TENM2: variants seen among roughly 807,000 people sequenced by gnomAD.
The protein encoded by TENM2 is teneurin-2.
Under a neutral mutation model 245.2 loss-of-function variants are expected in TENM2, and 52 were observed. That is an observed-to-expected ratio of 0.21 (90% confidence interval 0.17 to 0.27). The LOEUF is 0.27. TENM2 is among the 10% of genes least tolerant of loss of function. TENM2 has a pLI of 1.00. For synonymous variants in TENM2, 1,363 were observed against 1,438.9 expected (o/e 0.95, Z 1.19); for missense variants, 3,046 against 3,666.8 (o/e 0.83, Z 4.37).
At chr5:167,280,756 G>GTCTATCTATCTA (rs70976408), upstream of TENM2, among the ~76,000 whole-genome samples, 6 of 145,880 alleles carry the variant, frequency 4.1e-5, no homozygotes, top group Non-Finnish European at 6.0e-5. Context: ...CTATCTGTCT[G>GTCTATCTATCTA]TCTATCTATC....
intron 14 of TENM2, 77 bp downstream of exon 16, chr5:168,190,624 T>A: frequency 7.3e-7 from 1 of 1,365,734 alleles, no homozygotes; most frequent in South Asian, 1.3e-5. Context: ...GTTCTCCAGC[T>A]TTCCCGGGGA....
At chr5:168,242,784 C>G (rs1278382108) in intron 25 of TENM2, among the ~76,000 whole-genome samples, 1 of 152,044 alleles carries the variant, frequency 6.6e-6, no homozygotes, top group East Asian at 1.9e-4. Flanking sequence ...GAAACCTCGT[C>G]TCTACTAAAA....
At chr5:167,130,965 G>A in the TENM2 span, among the ~76,000 whole-genome samples, 1 of 137,234 alleles carries the variant, frequency 7.3e-6, no homozygotes, top group Non-Finnish European at 1.5e-5. Context: ...CCTGTGTGTT[G>A]GTTAGCTGCT....
At chr5:167,879,010 T>C (rs1032166367) in intron 3 of TENM2, among the ~76,000 whole-genome samples, 2 of 152,212 alleles carry the variant, frequency 1.3e-5, no homozygotes, top group Admixed American at 6.5e-5. Context: ...TCTCCTCTTA[T>C]AGTTGCTGTT....
At chr5:167,736,686 G>GGAA (rs764136823) in intron 2 of TENM2, among the ~76,000 whole-genome samples, 2 of 127,574 alleles carry the variant, frequency 1.6e-5, no homozygotes, top group African/African-American at 5.7e-5. Context: ...CCTGGCTCAG[G>GGAA]AAAAAAAAAA....
intron 2 of TENM2, among the ~76,000 whole-genome samples, chr5:167,859,441 C>T (rs1221371084): frequency 9.5e-5 from 13 of 137,272 alleles, no homozygotes; most frequent in Admixed American, 2.1e-4. Flanking sequence ...CGCCTCTGCC[C>T]GGCCGCCCCT....
intron 2 of TENM2, among the ~76,000 whole-genome samples, chr5:167,524,498 C>T (rs1008086837): frequency 1.5e-4 from 23 of 152,028 alleles, no homozygotes; most frequent in African/African-American, 4.1e-4. Flanking sequence ...TCTATGGCAG[C>T]GTTTCTCAAA....
At chr5:167,672,612 G>C (rs1756032191) in intron 2 of TENM2, among the ~76,000 whole-genome samples, 1 of 152,046 alleles carries the variant, frequency 6.6e-6, no homozygotes, top group African/African-American at 2.4e-5. Context: ...TCTGAAGAAG[G>C]TTTGGCATTG....
intron 9 of TENM2, among the ~76,000 whole-genome samples, chr5:168,101,114 A>G (rs1562158735): frequency 6.6e-6 from 1 of 152,050 alleles, no homozygotes; most frequent in Non-Finnish European, 1.5e-5. Flanking sequence ...TCTGAGGGTC[A>G]CTGATGGAGC....
chr5:167,677,723 A>G (rs1442525920), intron 2 of TENM2, among the ~76,000 whole-genome samples: 1 of 147,286 alleles, frequency 6.8e-6, no homozygotes, highest in East Asian at 1.9e-4. Flanking sequence ...TATGATAATT[A>G]TATGTTTATA....
chr5:167,482,929 C>G (rs1767844574), intron 2 of TENM2, among the ~76,000 whole-genome samples: 1 of 152,218 alleles, frequency 6.6e-6, no homozygotes, highest in Admixed American at 6.5e-5. Context: ...ATATCCATTT[C>G]TTCAGAAAAA....
intron 1 of TENM2, among the ~76,000 whole-genome samples, chr5:167,325,252 T>A (rs1303681008): frequency 6.6e-6 from 1 of 152,192 alleles, no homozygotes; most frequent in Non-Finnish European, 1.5e-5. Flanking sequence ...AATAGAGCGT[T>A]TCAGTAAATC....
intron 3 of TENM2, among the ~76,000 whole-genome samples, chr5:167,935,464 C>T (rs934985477): frequency 6.6e-6 from 1 of 152,174 alleles, no homozygotes; most frequent in Non-Finnish European, 1.5e-5. Flanking sequence ...TAAGCCGTTG[C>T]TATTGGAAAC....
At chr5:167,191,228 A>G in the TENM2 span, among the ~76,000 whole-genome samples, 1 of 152,082 alleles carries the variant, frequency 6.6e-6, no homozygotes, top group Admixed American at 6.6e-5. Context: ...ACATACATAT[A>G]TGTTACATAC....
intron 2 of TENM2, among the ~76,000 whole-genome samples, chr5:167,676,871 T>C (rs1006151310): frequency 1.3e-4 from 20 of 152,142 alleles, no homozygotes; most frequent in African/African-American, 4.8e-4. Context: ...TCTTTGTGAC[T>C]CTTATGTGTT....
intron 1 of TENM2, among the ~76,000 whole-genome samples, chr5:167,305,373 T>C (rs1755609004): frequency 6.6e-6 from 1 of 152,228 alleles, no homozygotes; most frequent in South Asian, 2.1e-4. Flanking sequence ...TTCTAGATCC[T>C]ATAAGCACCC....
At chr5:168,040,340 C>T (rs1047518390) in intron 5 of TENM2, among the ~76,000 whole-genome samples, 1 of 152,190 alleles carries the variant, frequency 6.6e-6, no homozygotes, top group Non-Finnish European at 1.5e-5. Flanking sequence ...GGGATTGTAT[C>T]TGCCTCTCAT....
chr5:168,239,020 G>A (rs1473368941), intron 25 of TENM2, among the ~76,000 whole-genome samples: 1 of 152,156 alleles, frequency 6.6e-6, no homozygotes, highest in Non-Finnish European at 1.5e-5. Context: ...TCTCCAGGAA[G>A]CCTCAAGGTT....
chr5:168,155,897 A>T (rs1180712533), intron 12 of TENM2, among the ~76,000 whole-genome samples: 1 of 31,828 alleles, frequency 3.1e-5, no homozygotes, highest in African/African-American at 1.4e-4. Flanking sequence ...ATCTGTAAAA[A>T]AAAAAAAAAA....
Sources: gnomAD v4.1 joint callset for allele counts (sites outside exome capture counted in the v4.1 genomes callset) on GRCh38, gnomAD v4.1.1 for gene constraint, MANE v1.5 for transcripts, NCBI Gene and HGNC (gene_info 2026-07-23, HGNC 2026-07-21) for gene names.